DIAPH2: variants seen among roughly 807,000 people sequenced by gnomAD.
The protein encoded by DIAPH2 is protein diaphanous homolog 2.
DIAPH2 carries 35 observed loss-of-function variants against 92.7 expected under a neutral mutation model. The observed-to-expected ratio is 0.38, with a 90% CI of 0.29 to 0.50. DIAPH2 has a LOEUF of 0.50. Among genes scored for constraint, DIAPH2 ranks in the 20% least tolerant of loss-of-function variants. The pLI, the probability that DIAPH2 is intolerant of heterozygous loss-of-function variation, is 0.94. For missense variants in DIAPH2, 701 were observed against 819.5 expected (o/e 0.86, Z 1.77); for synonymous variants, 301 against 280.4 (o/e 1.07, Z -0.73).
chrX:97,427,177 CAAAA>C (rs999775240), intron 25 of DIAPH2, among the ~76,000 whole-genome samples: 3 of 90,599 alleles, frequency 3.3e-5, no homozygotes, highest in African/African-American at 1.2e-4. Context: ...GACTCTGGCT[CAAAA>C]AAAAAAAAAT....
At position 97,194,469 on chromosome X, in the gene DIAPH2, A is replaced by G. The variant is rs111512493; in HGVS notation, c.2719+52675A>G. ...GCTAATTTCTTTTTGTATTTTTAGT[A>G]GAGACGGGGTTTCACTGTGTTAGCC... On this transcript the variant is annotated intron_variant, in intron 22 of 26. Coordinates refer to ENST00000324765, the MANE Select transcript of DIAPH2 (RefSeq NM_006729.5). Among the ~76,000 whole-genome samples, 590 of 109,755 alleles carry G rather than the reference A, an allele frequency of 5.4e-3. 7 individuals carry two copies. Among genetic ancestry groups the G allele is most frequent in the African/African-American group, 0.018 (551 of 30,174 alleles).
chrX:97,427,444 C>A (rs1402194820), intron 25 of DIAPH2, among the ~76,000 whole-genome samples: 1 of 111,208 alleles, frequency 9.0e-6, no homozygotes, highest in African/African-American at 3.3e-5. Flanking sequence ...ATACTTGGGC[C>A]TCTCCACCAC....
intron 24 of DIAPH2, among the ~76,000 whole-genome samples, chrX:97,371,466 G>A (rs770613492): frequency 2.1e-3 from 238 of 111,431 alleles, no homozygotes; most frequent in African/African-American, 7.2e-3. Context: ...CAGACAAGAC[G>A]TGGGCTTAAA....
At chrX:97,469,481 C>T (rs756515991) in intron 26 of DIAPH2, among the ~76,000 whole-genome samples, 6 of 111,428 alleles carry the variant, frequency 5.4e-5, no homozygotes, top group Non-Finnish European at 9.4e-5. Context: ...TTATCATGAC[C>T]TGCATGATAA....
At chrX:96,823,387 A>G (rs1191525342) in intron 4 of DIAPH2, among the ~76,000 whole-genome samples, 1 of 111,328 alleles carries the variant, frequency 9.0e-6, no homozygotes, top group African/African-American at 3.3e-5. Context: ...AATAATCTAT[A>G]TAATTATATG....
At chrX:96,876,283 G>C (rs1300123175) in intron 4 of DIAPH2, among the ~76,000 whole-genome samples, 2 of 111,682 alleles carry the variant, frequency 1.8e-5, no homozygotes, top group Non-Finnish European at 3.8e-5. Context: ...AGGATGTGGA[G>C]AAATAGGAAC....
chrX:97,513,799 G>C (rs370541532), intron 26 of DIAPH2, among the ~76,000 whole-genome samples: 18 of 96,295 alleles, frequency 1.9e-4, no homozygotes, highest in African/African-American at 7.2e-4. Context: ...GAAATTCTGG[G>C]TTGAAAATTC....
At chrX:96,869,557 C>CACTACTACTACTACTACTACT (rs58876338) in intron 4 of DIAPH2, among the ~76,000 whole-genome samples, 6 of 97,926 alleles carry the variant, frequency 6.1e-5, no homozygotes, top group African/African-American at 1.9e-4. Context: ...CTACTACTAC[C>CACTACTACTACTACTACTACT]ACTACTACTA....
intron 1 of DIAPH2, among the ~76,000 whole-genome samples, chrX:96,733,404 C>G (rs770168187): frequency 2.3e-4 from 26 of 110,745 alleles, no homozygotes; most frequent in Non-Finnish European, 2.3e-4. Context: ...AGAGAAGAGC[C>G]AGTGCATGTG....
intron 17 of DIAPH2, among the ~76,000 whole-genome samples, chrX:96,983,323 C>G (rs1411771729): frequency 2.7e-5 from 3 of 111,218 alleles, no homozygotes; most frequent in African/African-American, 9.8e-5. Context: ...ACAAAGCTGA[C>G]TGACTCAGTA....
intron 26 of DIAPH2, among the ~76,000 whole-genome samples, chrX:97,454,871 A>T: frequency 9.0e-6 from 1 of 111,096 alleles, no homozygotes; most frequent in East Asian, 2.8e-4. Context: ...AAAAAAAATT[A>T]AAATTAAATT....
At chrX:96,864,521 T>C (rs946174398) in intron 4 of DIAPH2, among the ~76,000 whole-genome samples, 1 of 111,872 alleles carries the variant, frequency 8.9e-6, no homozygotes, top group African/African-American at 3.2e-5. Flanking sequence ...CAAAGAATAT[T>C]ATTTGGCATA....
Position 97,073,061 on chromosome X carries a change from G to C in DIAPH2, c.2152+19G>C. On this transcript the variant is annotated intron_variant, in intron 18 of 26. Coordinates refer to ENST00000324765, the MANE Select transcript of DIAPH2 (RefSeq NM_006729.5). ...AATCTGTGTATGTAATATTTTCTTC[G>C]TAGGATTGGTATAGGTAACGGTGAG... 9.5e-7 allele frequency: 1 copy of C among 1,057,812 alleles called. No individual in the cohort carries two copies. Among genetic ancestry groups the C allele is most frequent in the Non-Finnish European group, 1.3e-6 (1 of 764,195 alleles). The allele number at this position is 1,057,812 out of a possible 1,213,427, so 87.2% of individuals were successfully genotyped here. A position where few individuals can be genotyped will look rare whatever the true frequency, so the allele number is the denominator to read the frequency against.
intron 22 of DIAPH2, among the ~76,000 whole-genome samples, chrX:97,181,319 C>T (rs1373968201): frequency 9.0e-6 from 1 of 111,044 alleles, no homozygotes; most frequent in African/African-American, 3.3e-5. Context: ...GATCTGCTGG[C>T]CTCGGCCTCC....
rs143890776 is a variant in DIAPH2 at position 97,371,891 on chromosome X, T to A, written c.3010-12018T>A. Among the ~76,000 whole-genome samples the A allele has an allele frequency of 0.011, 1,195 of 112,265 alleles. 26 individuals carry two copies. In the East Asian group the frequency reaches 0.16, roughly 15 times the overall value. On this transcript the variant is annotated intron_variant, in intron 24 of 26. Transcript: ENST00000324765. ...CCAGTCACTTTAGAATTTCATTCTG[T>A]TCCTTTGGTTCAAAAAATTGTAATT...
At chrX:97,274,996 ATCTT>A (rs1602469779) in intron 23 of DIAPH2, among the ~76,000 whole-genome samples, 1 of 111,930 alleles carries the variant, frequency 8.9e-6, no homozygotes, top group Non-Finnish European at 1.9e-5. Context: ...AGGCAGAAGA[ATCTT>A]TCTTAGTACA....
At chrX:97,161,025 T>C (rs1456199246) in intron 22 of DIAPH2, among the ~76,000 whole-genome samples, 1 of 107,229 alleles carries the variant, frequency 9.3e-6, no homozygotes. Flanking sequence ...ATTTTTCCCT[T>C]TAAGGTTTTT....
chrX:97,006,971 T>C (rs766733196), intron 17 of DIAPH2, among the ~76,000 whole-genome samples: 18 of 111,667 alleles, frequency 1.6e-4, no homozygotes, highest in African/African-American at 5.2e-4. Flanking sequence ...TCATGAGGCA[T>C]GCAAATAATA....
At chrX:97,124,025 GGT>G (rs1479703956) in intron 21 of DIAPH2, among the ~76,000 whole-genome samples, 2 of 111,869 alleles carry the variant, frequency 1.8e-5, no homozygotes, top group Non-Finnish European at 3.8e-5. Context: ...TTTTCCAAAT[GGT>G]CATACATCTT....
Sources: gnomAD v4.1 joint callset for allele counts (sites outside exome capture counted in the v4.1 genomes callset) on GRCh38, gnomAD v4.1.1 for gene constraint, MANE v1.5 for transcripts, NCBI Gene and HGNC (gene_info 2026-07-23, HGNC 2026-07-21) for gene names.